The following TNIP3 variants were observed in gnomAD, a reference collection of about 807,000 sequenced individuals.
The protein encoded by TNIP3 is TNFAIP3 interacting protein 3.
TNIP3 carries 34 observed loss-of-function variants against 54.1 expected under a neutral mutation model. That is an observed-to-expected ratio of 0.63 (90% CI 0.48 to 0.84). The LOEUF (loss-of-function observed/expected upper bound fraction) is 0.84. Among genes scored for constraint, TNIP3 ranks in the 40% least tolerant of loss-of-function variants. TNIP3 has a pLI of 0.00. For missense variants in TNIP3, 366 were observed against 387.6 expected (o/e 0.94, Z 0.47); for synonymous variants, 134 against 136.8 (o/e 0.98, Z 0.14).
At chr4:121,136,457 T>C (rs1166357357) in intron 10 of TNIP3, 5 of 152,188 alleles carry the variant, frequency 3.3e-5, no homozygotes, top group Admixed American at 3.3e-4. Flanking sequence ...GATTTAGGCG[T>C]GTTACTTAAA....
chr4:121,141,777 C>G, intron 9 of TNIP3, 39 bp downstream of exon 9: 1 of 1,329,566 alleles, frequency 7.5e-7, no homozygotes, highest in Non-Finnish European at 1.0e-6. Flanking sequence ...TCTACCAAAA[C>G]AGTATACTAA....
At chr4:121,158,843 G>A (rs1730271523) in intron 2 of TNIP3, 91 bp from the exon 3 acceptor site, 1 of 1,025,860 alleles carries the variant, frequency 9.7e-7, no homozygotes, top group Non-Finnish European at 1.5e-6. Flanking sequence ...GCTTATTAAG[G>A]TTTTAGAAGC....
intron 3 of TNIP3, among the ~76,000 whole-genome samples, chr4:121,157,753 G>C (rs1730203772): frequency 6.6e-6 from 1 of 152,152 alleles, no homozygotes; most frequent in Non-Finnish European, 1.5e-5. Context: ...ACAGTCCAGA[G>C]GGAGAATCTT....
intron 1 of TNIP3, among the ~76,000 whole-genome samples, chr4:121,225,241 T>C (rs1244278925): frequency 6.6e-6 from 1 of 152,222 alleles, no homozygotes; most frequent in Non-Finnish European, 1.5e-5. Context: ...TCCAAGGTTT[T>C]TTACATACTT....
chr4:121,201,204 T>C (rs566457409), intron 2 of TNIP3, among the ~76,000 whole-genome samples: 3 of 152,250 alleles, frequency 2.0e-5, no homozygotes, highest in African/African-American at 7.2e-5. Context: ...AAATGTTCCA[T>C]GAAAGGGGAC....
At position 121,132,632 on chromosome 4, in the gene TNIP3, T is replaced by C. The variant is rs746215051; in HGVS notation, c.977A>G (p.Ter326TrpextTer25). The C allele has an allele frequency of 1.2e-6, 2 of 1,613,098 alleles. No homozygotes were observed. The highest frequency in any genetic ancestry group is 1.7e-6 in the Non-Finnish European group (2 of 1,179,264). ...GLSSVKKVHP* is the reference protein window; with the variant it reads ...GLSSVKKVHPW The stretch of plus-strand genomic sequence containing the variant: ...GTCTCTCTCTGTTAGTGTGTACTTC[T>C]ACGGATGGACTTTCTTTACTGAGGA... The change falls in exon 11 of 11, where the codon TAG (stop) becomes TGG (tryptophan). Residue 326 changes from the stop codon to tryptophan (W), a stop_lost. Coordinates refer to ENST00000057513, the MANE Select transcript of TNIP3 (RefSeq NM_024873.6).
At chr4:121,191,099 T>C (rs28707603) in intron 2 of TNIP3, among the ~76,000 whole-genome samples, 6,794 of 152,238 alleles carry the variant, frequency 0.045, 503 homozygotes, top group African/African-American at 0.15. Context: ...TTTGTTGTTG[T>C]TGTTGTTATT....
At chr4:121,204,816 C>T (rs761586007) in intron 2 of TNIP3, among the ~76,000 whole-genome samples, 1 of 152,186 alleles carries the variant, frequency 6.6e-6, no homozygotes, top group Non-Finnish European at 1.5e-5. Flanking sequence ...ATTTTCATTT[C>T]TATCAGCTAT....
upstream of TNIP3, among the ~76,000 whole-genome samples, chr4:121,165,432 CCT>C (rs1470719181): frequency 6.6e-6 from 1 of 152,034 alleles, no homozygotes; most frequent in East Asian, 1.9e-4. Context: ...TAAGTCAATG[CCT>C]CTCTTTCCTT....
At chr4:121,217,354 T>G (rs1726841230), upstream of TNIP3, among the ~76,000 whole-genome samples, 1 of 152,164 alleles carries the variant, frequency 6.6e-6, no homozygotes, top group Middle Eastern at 3.2e-3. Flanking sequence ...TTCTGTTTAA[T>G]TGTAACAACA....
intron 3 of TNIP3, among the ~76,000 whole-genome samples, chr4:121,176,690 TAAGAA>T (rs1166509300): frequency 6.8e-6 from 1 of 147,844 alleles, no homozygotes; most frequent in African/African-American, 2.6e-5. Flanking sequence ...AAAAGGGAAA[TAAGAA>T]AAGGAAAGCC....
chr4:121,177,654 G>A (rs1471559463), intron 3 of TNIP3, among the ~76,000 whole-genome samples: 1 of 152,212 alleles, frequency 6.6e-6, no homozygotes, highest in African/African-American at 2.4e-5. Context: ...TTCATTCAGT[G>A]TGAAAACAAG....
upstream of TNIP3, among the ~76,000 whole-genome samples, chr4:121,217,763 T>A (rs1254250220): frequency 5.3e-5 from 8 of 152,230 alleles, no homozygotes; most frequent in Admixed American, 5.2e-4. Flanking sequence ...ATTTAACTAA[T>A]AAAGAAATTT....
chr4:121,193,341 A>G (rs1297490923), intron 2 of TNIP3, among the ~76,000 whole-genome samples: 1 of 152,202 alleles, frequency 6.6e-6, no homozygotes, highest in African/African-American at 2.4e-5. Flanking sequence ...GCAGGATTCA[A>G]AAAATTGATC....
intron 3 of TNIP3, among the ~76,000 whole-genome samples, chr4:121,176,519 T>C (rs1274821648): frequency 7.7e-6 from 1 of 130,268 alleles, no homozygotes; most frequent in Non-Finnish European, 1.6e-5. Flanking sequence ...AGCATTATGA[T>C]GATGATGATG....
chr4:121,168,559 A>G (rs1434534688), upstream of TNIP3, among the ~76,000 whole-genome samples: 1 of 134,286 alleles, frequency 7.4e-6, no homozygotes, highest in Non-Finnish European at 1.6e-5. Context: ...TATGTTCTGT[A>G]GTACAGGCTG....
At chr4:121,150,243 GT>G (rs1174790592) in intron 5 of TNIP3, 24 bp from the exon 6 acceptor site, 1 of 1,413,988 alleles carries the variant, frequency 7.1e-7, no homozygotes, top group Non-Finnish European at 9.9e-7. Context: ...TAAGTACACT[GT>G]TGATCTAAGA....
At chr4:121,225,300 G>A (rs1222709040) in intron 1 of TNIP3, among the ~76,000 whole-genome samples, 1 of 152,168 alleles carries the variant, frequency 6.6e-6, no homozygotes, top group Non-Finnish European at 1.5e-5. Flanking sequence ...GCAACCGCTA[G>A]AATATTTTCC....
chr4:121,192,508 G>T (rs1447957595), intron 2 of TNIP3, among the ~76,000 whole-genome samples: 1 of 152,144 alleles, frequency 6.6e-6, no homozygotes, highest in African/African-American at 2.4e-5. Context: ...TATGTGTAGG[G>T]TAATTCTACC....
Sources: allele counts gnomAD v4.1 joint callset (sites outside exome capture counted in the v4.1 genomes callset), GRCh38; gene constraint gnomAD v4.1.1; transcripts MANE v1.5; gene names NCBI Gene and HGNC (gene_info 2026-07-23, HGNC 2026-07-21).